The following ATP2B4 variants were observed in gnomAD, a reference collection of about 807,000 sequenced individuals.
ATP2B4 encodes the protein plasma membrane calcium-transporting ATPase 4.
ATP2B4 carries 39 observed loss-of-function variants against 110.3 expected under a neutral mutation model. The ratio of observed to expected loss-of-function variants is 0.35; its 90% CI spans 0.27 to 0.46. ATP2B4 has a LOEUF of 0.46. Ranked by LOEUF, ATP2B4 falls within the 20% of genes least tolerant of loss-of-function variation. ATP2B4 has a pLI of 1.00. For synonymous variants in ATP2B4, 538 were observed against 571.7 expected, an observed-to-expected ratio of 0.94 and a Z score of 0.84; for missense variants, 1,135 against 1,530.9, an observed-to-expected ratio of 0.74 and a Z score of 4.32.
chr1:203,690,142 G>A (rs1317534379), intron 2 of ATP2B4, among the ~76,000 whole-genome samples: 1 of 152,224 alleles, frequency 6.6e-6, no homozygotes, highest in Admixed American at 6.5e-5. Context: ...TGAGGATTTA[G>A]ATGAACGTCT....
intron 2 of ATP2B4, among the ~76,000 whole-genome samples, chr1:203,686,685 CTTTTTT>C (rs779048789): frequency 0.08 from 3,420 of 42,776 alleles, 112 homozygotes; most frequent in South Asian, 0.2. Context: ...TCTTTTCTTT[CTTTTTT>C]TTTTTTTTTT....
At chr1:203,711,845 G>T in intron 12 of ATP2B4, 115 bp from the exon 13 acceptor site, 1 of 1,196,404 alleles carries the variant, frequency 8.4e-7, no homozygotes, top group Non-Finnish European at 1.2e-6. Flanking sequence ...ATGCTGCATG[G>T]CACCACTTCT....
At chr1:203,660,395 T>C (rs982705605) in intron 1 of ATP2B4, among the ~76,000 whole-genome samples, 1 of 152,038 alleles carries the variant, frequency 6.6e-6, no homozygotes, top group African/African-American at 2.4e-5. Context: ...ATGCACGCCA[T>C]TGGGGTGAGA....
At chr1:203,708,831 G>A (rs1665922470) in intron 10 of ATP2B4, among the ~76,000 whole-genome samples, 1 of 152,020 alleles carries the variant, frequency 6.6e-6, no homozygotes, top group South Asian at 2.1e-4. Context: ...GTCAAGCCTG[G>A]GCAACAGAGC....
chr1:203,672,734 T>C (rs964435508), intron 1 of ATP2B4, among the ~76,000 whole-genome samples: 2 of 152,100 alleles, frequency 1.3e-5, no homozygotes, highest in African/African-American at 2.4e-5. Flanking sequence ...TGTTTTCCCC[T>C]CATCTGTGTA....
chr1:203,727,285 G>C, intron 19 of ATP2B4, 110 bp from the exon 20 acceptor site: 1 of 1,273,098 alleles, frequency 7.9e-7, no homozygotes, highest in Non-Finnish European at 1.1e-6. Context: ...CCAGTGGGAA[G>C]GGTGGTAGGG....
At chr1:203,729,295 C>T (rs1049142322) in intron 20 of ATP2B4, among the ~76,000 whole-genome samples, 1 of 151,520 alleles carries the variant, frequency 6.6e-6, no homozygotes, top group African/African-American at 2.4e-5. Flanking sequence ...GCCTGTAATC[C>T]CAGCACTTTG....
intron 1 of ATP2B4, among the ~76,000 whole-genome samples, chr1:203,674,529 A>G (rs1664770574): frequency 1.3e-5 from 2 of 151,464 alleles, no homozygotes; most frequent in Non-Finnish European, 2.9e-5. Flanking sequence ...GCTGGAATGC[A>G]GTGGCACGAT....
intron 20 of ATP2B4, among the ~76,000 whole-genome samples, chr1:203,733,877 G>A (rs1666805768): frequency 6.6e-6 from 1 of 152,186 alleles, no homozygotes; most frequent in African/African-American, 2.4e-5. Context: ...TTTGAGGAAA[G>A]GTAGGAAGGG....
At chr1:203,672,068 C>T (rs1558026257) in intron 1 of ATP2B4, among the ~76,000 whole-genome samples, 1 of 152,188 alleles carries the variant, frequency 6.6e-6, no homozygotes, top group Non-Finnish European at 1.5e-5. Flanking sequence ...GACAAAGTGG[C>T]TTTGTCTCTT....
chr1:203,682,584 A>G (rs570188715), intron 1 of ATP2B4, among the ~76,000 whole-genome samples, 158 bp from the exon 2 acceptor site: 3 of 71,044 alleles, frequency 4.2e-5, no homozygotes, highest in African/African-American at 8.4e-5. Context: ...CTCTTGAGTC[A>G]GCTCTCTAAG....
intron 6 of ATP2B4, 40 bp from the exon 7 acceptor site, chr1:203,702,004 T>C (rs1350988334): frequency 1.2e-6 from 2 of 1,613,130 alleles, no homozygotes; most frequent in Admixed American, 1.7e-5. Flanking sequence ...AATAGTTACT[T>C]TGGGTTTCGA....
Position 203,740,048 on chromosome 1 carries a change from G to A in ATP2B4, c.*194G>A. On this transcript the variant is annotated 3_prime_UTR_variant, in exon 21 of 21. Coordinates refer to ENST00000357681, the MANE Select transcript of ATP2B4 (RefSeq NM_001684.5). ...AAGGATTTCAACTTAAGCTTGACTTGGGGTTTGTAGCGGGACCCAGTCAAA... is the reference window on the plus strand; with the variant it reads ...AAGGATTTCAACTTAAGCTTGACTTAGGGTTTGTAGCGGGACCCAGTCAAA... 1.5e-6 allele frequency: 1 copy of A among 656,110 alleles called. No individual in the cohort carries two copies. 40.6% of individuals were successfully genotyped at this position (656,110 alleles called of 1,614,324 possible). A position where few individuals can be genotyped will look rare whatever the true frequency, so the allele number is the denominator to read the frequency against.
Position 203,645,753 on chromosome 1 carries a change from G to A in ATP2B4, c.-465+18534G>A, listed in dbSNP as rs528033135. 2.0e-5 allele frequency among the ~76,000 whole-genome samples: 3 copies of A among 152,020 alleles called. No individual in the cohort carries two copies. The South Asian group carries it at 6.2e-4, about 32-fold the overall frequency. On this transcript the variant is annotated intron_variant, in intron 1 of 20. Coordinates refer to ENST00000357681, the MANE Select transcript of ATP2B4 (RefSeq NM_001684.5). ...TTACAAGTGCCTGCCACTGTGCCCGGCTAATTTTTGTATTTTTAGTAGAGA... is the reference window on the plus strand; with the variant it reads ...TTACAAGTGCCTGCCACTGTGCCCGACTAATTTTTGTATTTTTAGTAGAGA...
intron 20 of ATP2B4, chr1:203,727,791 T>C (rs1347334250): frequency 1.3e-5 from 7 of 559,036 alleles, no homozygotes; most frequent in African/African-American, 9.4e-5. Flanking sequence ...CATGGGACAC[T>C]ATTAGCATAG....
intron 1 of ATP2B4, among the ~76,000 whole-genome samples, chr1:203,651,633 G>C (rs998746101): frequency 9.9e-5 from 15 of 152,176 alleles, no homozygotes; most frequent in Non-Finnish European, 1.8e-4. Context: ...ACAGTAGTAC[G>C]CACCTGCAGT....
chr1:203,668,949 G>A (rs2102341840), intron 1 of ATP2B4, among the ~76,000 whole-genome samples: 1 of 152,290 alleles, frequency 6.6e-6, no homozygotes, highest in South Asian at 2.1e-4. Flanking sequence ...AGAAGTTTGG[G>A]AATGAGGTAT....
chr1:203,688,950 G>A (rs1665286264), intron 2 of ATP2B4, among the ~76,000 whole-genome samples: 1 of 152,158 alleles, frequency 6.6e-6, no homozygotes, highest in African/African-American at 2.4e-5. Context: ...TATCAGGAGG[G>A]ACAATCTGAG....
intron 1 of ATP2B4, among the ~76,000 whole-genome samples, chr1:203,664,617 G>A (rs889173596): frequency 6.6e-6 from 1 of 152,176 alleles, no homozygotes; most frequent in African/African-American, 2.4e-5. Flanking sequence ...TCATGGGAGA[G>A]CCTGTGAGCT....
Sources: allele counts gnomAD v4.1 joint callset (sites outside exome capture counted in the v4.1 genomes callset), GRCh38; gene constraint gnomAD v4.1.1; transcripts MANE v1.5; gene names NCBI Gene and HGNC (gene_info 2026-07-23, HGNC 2026-07-21).